Variants in FAM168A observed in about 807,000 individuals in gnomAD.
FAM168A encodes the protein protein FAM168A.
FAM168A carries 3 observed loss-of-function variants against 28.5 expected under a neutral mutation model. The observed-to-expected ratio is 0.11, with a 90% confidence interval of 0.05 to 0.27. The LOEUF (loss-of-function observed/expected upper bound fraction) is 0.27. Among genes scored for constraint, FAM168A ranks in the 10% least tolerant of loss-of-function variants. The pLI, the probability that FAM168A is intolerant of heterozygous loss-of-function variation, is 1.00. For missense variants in FAM168A, 222 were observed against 311.5 expected, an observed-to-expected ratio of 0.71 and a Z score of 2.16; for synonymous variants, 122 against 124.2, an observed-to-expected ratio of 0.98 and a Z score of 0.12.
Position 73,484,960 on chromosome 11 carries a change from T to C in FAM168A, c.-18-16468A>G, listed in dbSNP as rs373818553. ...TTTTCACATTTTTCTGCCTGCTTTA[T>C]ATTCAACGGTAGCTGATTAGATGGT... On this transcript the variant is annotated intron_variant, in intron 1 of 7. Coordinates refer to ENST00000356467, the MANE Select transcript of FAM168A (RefSeq NM_015159.3). Among the ~76,000 whole-genome samples, 12 of 152,058 alleles carry C rather than the reference T, an allele frequency of 7.9e-5. No individual in the cohort carries two copies. In the East Asian group the frequency reaches 1.7e-3, roughly 22 times the overall value.
intron 4 of FAM168A, among the ~76,000 whole-genome samples, chr11:73,414,753 T>C (rs1336961331): frequency 1.3e-5 from 2 of 152,130 alleles, no homozygotes; most frequent in African/African-American, 2.4e-5. Context: ...TAAGCTTCTG[T>C]CCTAAGGGTA....
At chr11:73,519,695 G>A (rs370028265) in intron 1 of FAM168A, among the ~76,000 whole-genome samples, 11,352 of 152,124 alleles carry the variant, frequency 0.075, 542 homozygotes, top group Admixed American at 0.11. Flanking sequence ...AAGCTTGACA[G>A]GCTCTCAGAG....
At chr11:73,545,759 G>A (rs780620738) in intron 1 of FAM168A, among the ~76,000 whole-genome samples, 1 of 141,396 alleles carries the variant, frequency 7.1e-6, no homozygotes, top group Non-Finnish European at 1.5e-5. Context: ...GTGCGATCAC[G>A]GCTGGACTCA....
intron 6 of FAM168A, among the ~76,000 whole-genome samples, 190 bp downstream of exon 6, chr11:73,409,297 G>C (rs537887465): frequency 6.6e-6 from 1 of 152,056 alleles, no homozygotes; most frequent in Non-Finnish European, 1.5e-5. Context: ...GGCCTAGCTC[G>C]ATACGTCCTT....
At chr11:73,464,992 C>G (rs1336200638) in intron 2 of FAM168A, among the ~76,000 whole-genome samples, 1 of 151,732 alleles carries the variant, frequency 6.6e-6, no homozygotes, top group South Asian at 2.1e-4. Context: ...GTCCCATGCT[C>G]TTTTCCCTGT....
At position 73,561,479 on chromosome 11, in the gene FAM168A, T is replaced by G. The variant is rs567611512; in HGVS notation, c.-19+36444A>C. Among the ~76,000 whole-genome samples the G allele has an allele frequency of 1.5e-3, 232 of 151,882 alleles. 1 individual carries two copies. The highest frequency in any genetic ancestry group is 5.3e-3 in the African/African-American group (218 of 41,290). On this transcript the variant is annotated intron_variant, in intron 1 of 7. Coordinates refer to ENST00000356467, the MANE Select transcript of FAM168A (RefSeq NM_015159.3). ...TGGGGAGACATATATATATATATAT[T>G]ATTCTATTTTCAATAGTACTCAGGG...
chr11:73,545,044 TGG>T (rs1943727682), intron 1 of FAM168A, among the ~76,000 whole-genome samples: 1 of 100,324 alleles, frequency 1.0e-5, no homozygotes, highest in African/African-American at 4.1e-5. Flanking sequence ...ATATATTTTT[TGG>T]AGACAGTCTC....
At chr11:73,506,676 C>A (rs1357786378) in intron 1 of FAM168A, among the ~76,000 whole-genome samples, 1 of 152,130 alleles carries the variant, frequency 6.6e-6, no homozygotes, top group Non-Finnish European at 1.5e-5. Context: ...CCATCTTTAA[C>A]CCTCTATAGC....
At chr11:73,442,955 G>GATATAGAT (rs1867226712) in intron 2 of FAM168A, among the ~76,000 whole-genome samples, 3 of 40,228 alleles carry the variant, frequency 7.5e-5, no homozygotes, top group Non-Finnish European at 1.1e-4. Context: ...ATATACAAAG[G>GATATAGAT]ATATATATAT....
intron 1 of FAM168A, among the ~76,000 whole-genome samples, chr11:73,499,118 C>T (rs1019701886): frequency 1.3e-5 from 2 of 152,072 alleles, no homozygotes; most frequent in Non-Finnish European, 2.9e-5. Context: ...AGGCTGGTGC[C>T]CCTCAAGGTC....
chr11:73,585,138 C>T (rs763896000), intron 1 of FAM168A, among the ~76,000 whole-genome samples: 19 of 152,154 alleles, frequency 1.2e-4, no homozygotes, highest in Non-Finnish European at 2.2e-4. Flanking sequence ...ATAAAGTCAG[C>T]GCTTAATTTC....
intron 1 of FAM168A, among the ~76,000 whole-genome samples, chr11:73,551,318 G>GA (rs1943826723): frequency 6.6e-6 from 1 of 152,198 alleles, no homozygotes; most frequent in Admixed American, 6.5e-5. Context: ...GTGGAGGTGA[G>GA]ACAGTAGGTA....
At position 73,486,111 on chromosome 11, in the gene FAM168A, G is replaced by A. The variant is rs113065289; in HGVS notation, c.-18-17619C>T. On this transcript the variant is annotated intron_variant, in intron 1 of 7. Transcript: ENST00000356467. ...CGGCCCATTATTGGTAATACAATAT[G>A]GGTATGGTTGACTTAGTTTAGACAA... Among the ~76,000 whole-genome samples, 1,085 of 152,272 alleles carry A rather than the reference G, an allele frequency of 7.1e-3. 14 individuals are homozygous for A. The highest frequency in any genetic ancestry group is 0.023 in the African/African-American group (949 of 41,544).
chr11:73,442,125 CTTTTTTTTTT>C (rs59066860), intron 2 of FAM168A, among the ~76,000 whole-genome samples: 4 of 131,000 alleles, frequency 3.1e-5, no homozygotes, highest in Non-Finnish European at 4.8e-5. Context: ...CTTTCTTCTT[CTTTTTTTTTT>C]TTTTTTTTGA....
chr11:73,495,320 C>A (rs916227093), intron 1 of FAM168A, among the ~76,000 whole-genome samples: 1 of 152,170 alleles, frequency 6.6e-6, no homozygotes, highest in African/African-American at 2.4e-5. Context: ...CAGAGCGAGA[C>A]TCCGTCTCAA....
At chr11:73,458,295 G>A (rs893038854) in intron 2 of FAM168A, among the ~76,000 whole-genome samples, 1 of 152,194 alleles carries the variant, frequency 6.6e-6, no homozygotes, top group African/African-American at 2.4e-5. Flanking sequence ...CTTTACAGAG[G>A]TGGGAAATCA....
intron 2 of FAM168A, among the ~76,000 whole-genome samples, chr11:73,436,360 A>G (rs1867085621): frequency 6.6e-6 from 1 of 152,206 alleles, no homozygotes; most frequent in Non-Finnish European, 1.5e-5. Context: ...TCAAAAGGCC[A>G]GAGGAAGACA....
chr11:73,581,968 C>T (rs1371186273), intron 1 of FAM168A, among the ~76,000 whole-genome samples: 3 of 151,958 alleles, frequency 2.0e-5, no homozygotes, highest in Non-Finnish European at 4.4e-5. Flanking sequence ...CCGCCCACCT[C>T]GGCCTCCCAA....
chr11:73,497,429 CAG>C (rs1241145294), intron 1 of FAM168A, among the ~76,000 whole-genome samples: 1 of 151,500 alleles, frequency 6.6e-6, no homozygotes, highest in African/African-American at 2.4e-5. Flanking sequence ...AGCCTGGCGA[CAG>C]AGAGTGACTC....
Sources: gnomAD v4.1 joint callset for allele counts (sites outside exome capture counted in the v4.1 genomes callset) on GRCh38, gnomAD v4.1.1 for gene constraint, MANE v1.5 for transcripts, NCBI Gene and HGNC (gene_info 2026-07-23, HGNC 2026-07-21) for gene names.